TTC33: variants seen among roughly 807,000 people sequenced by gnomAD.
TTC33 encodes tetratricopeptide repeat domain 33.
TTC33 carries 24 observed loss-of-function variants against 29.4 expected under a neutral mutation model. That is an observed-to-expected ratio of 0.82 (90% CI 0.59 to 1.15). TTC33 has a LOEUF of 1.15. TTC33 is among the 50% of genes most tolerant of loss of function. The pLI is 0.00. For missense variants in TTC33, 286 were observed against 310.4 expected, an observed-to-expected ratio of 0.92 and a Z score of 0.59; for synonymous variants, 107 against 100.3, an observed-to-expected ratio of 1.07 and a Z score of -0.40.
intron 1 of TTC33, among the ~76,000 whole-genome samples, chr5:40,752,434 A>G (rs6868517): frequency 0.32 from 47,923 of 152,074 alleles, 7,964 homozygotes; most frequent in East Asian, 0.56. Context: ...AATCATTTCT[A>G]GCTTTTGATT....
rs552372682 is a variant in TTC33, at chr5:40,726,004, C to T, written c.435+2341G>A. Reference sequence around the variant, plus strand: ...GTTTCACCGTGTTAGCCAGGATGGTCTCAATCTCCTGACCTTGTGATCCGC... The same window carrying T: ...GTTTCACCGTGTTAGCCAGGATGGTTTCAATCTCCTGACCTTGTGATCCGC... On this transcript the variant is annotated intron_variant, in intron 4 of 4. Transcript: ENST00000337702. Among the ~76,000 whole-genome samples the T allele has an allele frequency of 4.9e-3, 745 of 151,810 alleles. 5 individuals are homozygous for T. The highest frequency in any genetic ancestry group is 0.017 in the African/African-American group (710 of 41,426).
chr5:40,750,020 A>T (rs1097546), intron 1 of TTC33, among the ~76,000 whole-genome samples: 1 of 151,236 alleles, frequency 6.6e-6, no homozygotes, highest in African/African-American at 2.4e-5. Flanking sequence ...CTCGGGAGGC[A>T]GAGGTTGCAG....
chr5:40,743,415 A>AT (rs965695181), intron 2 of TTC33, among the ~76,000 whole-genome samples: 7 of 152,142 alleles, frequency 4.6e-5, no homozygotes, highest in African/African-American at 9.6e-5. Flanking sequence ...GGGACTCAGT[A>AT]TTTTTTTTAA....
rs114206783 is a variant in TTC33 at position 40,733,223 on chromosome 5, T to C, written c.222-2880A>G. The stretch of plus-strand genomic sequence containing the variant: ...AGCAGAGGGACCTTAAGAACCTGGA[T>C]GTTTGAGGTTTCAGGAGTCTTTGAC... On this transcript the variant is annotated intron_variant, in intron 2 of 4. Transcript: ENST00000337702. 3.0e-3 allele frequency among the ~76,000 whole-genome samples: 451 copies of C among 152,256 alleles called. 3 individuals are homozygous for C. The highest frequency in any genetic ancestry group is 0.011 in the African/African-American group (437 of 41,556).
intron 2 of TTC33, among the ~76,000 whole-genome samples, chr5:40,741,265 G>A (rs1742687463): frequency 6.6e-6 from 1 of 152,162 alleles, no homozygotes; most frequent in Admixed American, 6.5e-5. Flanking sequence ...GGGAAGGTCT[G>A]AAGTAGCCTT....
In TTC33 at chr5:40,711,859, A is replaced by G. The variant is rs1741904602; in HGVS notation, c.*4286T>C. Among the ~76,000 whole-genome samples, 1 of 152,104 alleles carries G rather than the reference A, an allele frequency of 6.6e-6. No individual in the cohort carries two copies. ...TCAAACTCTAGAATTCTGAAGTCAA[A>G]TCTAACGTATAGCCACAGAAAGCAG... On this transcript the variant is annotated 3_prime_UTR_variant, in exon 5 of 5. Transcript: ENST00000337702.
intron 4 of TTC33, among the ~76,000 whole-genome samples, chr5:40,725,737 C>T (rs536497335): frequency 2.7e-4 from 41 of 151,960 alleles, no homozygotes; most frequent in African/African-American, 5.8e-4. Flanking sequence ...CTCACCATCC[C>T]CATTCCCTCA....
Position 40,713,629 on chromosome 5 carries a change from CT to C in TTC33, c.*2515del, listed in dbSNP as rs1741940595. On this transcript the variant is annotated 3_prime_UTR_variant, in exon 5 of 5. Transcript: ENST00000337702. ...GTTTTCTAGAGAATGATATATGATT[CT>C]TGTGTTATCAGGCATGGTCTGGATG... is the stretch of plus-strand genomic sequence containing the variant. Among the ~76,000 whole-genome samples the C allele has an allele frequency of 6.6e-6, 1 of 152,070 alleles. No individual in the cohort carries two copies.
At chr5:40,717,685 G>A (rs1469014116) in intron 4 of TTC33, among the ~76,000 whole-genome samples, 1 of 152,118 alleles carries the variant, frequency 6.6e-6, no homozygotes, top group Non-Finnish European at 1.5e-5. Flanking sequence ...GAGAATCATT[G>A]GTCTAAATCT....
chr5:40,746,537 C>T (rs957651567), intron 2 of TTC33, among the ~76,000 whole-genome samples: 2 of 152,076 alleles, frequency 1.3e-5, no homozygotes, highest in Non-Finnish European at 2.9e-5. Flanking sequence ...CTTCTTTAGG[C>T]ACAACAAAAA....
At chr5:40,741,776 G>A (rs984525060) in intron 2 of TTC33, among the ~76,000 whole-genome samples, 1 of 152,104 alleles carries the variant, frequency 6.6e-6, no homozygotes, top group Non-Finnish European at 1.5e-5. Context: ...ATTACCTGAC[G>A]TCAGGAGTTC....
chr5:40,711,989 G>T lies in TTC33; in HGVS notation c.*4156C>A, dbSNP rs1428785636. ...GGACACACACTATATCAGGATGGTA[G>T]TGGTGGTGAAGTGGGTGTTTACATT... is the stretch of plus-strand genomic sequence containing the variant. On this transcript the variant is annotated 3_prime_UTR_variant, in exon 5 of 5. Coordinates refer to ENST00000337702, the MANE Select transcript of TTC33 (RefSeq NM_012382.3). Among the ~76,000 whole-genome samples the T allele has an allele frequency of 2.0e-5, 3 of 152,144 alleles. No individual in the cohort carries two copies. The highest frequency in any genetic ancestry group is 1.3e-4 in the Admixed American group (2 of 15,254).
chr5:40,736,623 G>T lies in TTC33; in HGVS notation c.222-6280C>A, dbSNP rs148483445. Among the ~76,000 whole-genome samples, 659 of 152,066 alleles carry T rather than the reference G, an allele frequency of 4.3e-3. 2 individuals are homozygous for T. The highest frequency in any genetic ancestry group is 7.4e-3 in the Non-Finnish European group (504 of 67,978). ...TACAAAAATATATATTACTACTACA[G>T]GAAATATACCAAGAACATATAAAAT... is the stretch of plus-strand genomic sequence containing the variant. On this transcript the variant is annotated intron_variant, in intron 2 of 4. Transcript: ENST00000337702.
At chr5:40,744,834 C>G (rs1220943005) in intron 2 of TTC33, among the ~76,000 whole-genome samples, 2 of 152,162 alleles carry the variant, frequency 1.3e-5, no homozygotes, top group African/African-American at 2.4e-5. Context: ...ATACCAAACA[C>G]AGCAAAGAGA....
chr5:40,711,638 T>A lies in TTC33; in HGVS notation c.*4507A>T, dbSNP rs963898481. 3.9e-5 allele frequency among the ~76,000 whole-genome samples: 6 copies of A among 152,086 alleles called. No homozygotes were observed. Among genetic ancestry groups the A allele is most frequent in the African/African-American group, 7.2e-5 (3 of 41,422 alleles). On this transcript the variant is annotated 3_prime_UTR_variant, in exon 5 of 5. Transcript: ENST00000337702. Reference sequence around the variant, plus strand: ...ATCAAAACTTGAAACAACCTAAATGTCCATCAATAGGTGAACAGCTAAACA... The same window carrying A: ...ATCAAAACTTGAAACAACCTAAATGACCATCAATAGGTGAACAGCTAAACA...
intron 4 of TTC33, among the ~76,000 whole-genome samples, chr5:40,718,048 G>A (rs998665540): frequency 6.6e-6 from 1 of 150,660 alleles, no homozygotes; most frequent in African/African-American, 2.4e-5. Flanking sequence ...GGCAACAAGA[G>A]CGAAACTCCG....
In TTC33 at chr5:40,725,182, C is replaced by G. The variant is rs562135240; in HGVS notation, c.435+3163G>C. On this transcript the variant is annotated intron_variant, in intron 4 of 4. Transcript: ENST00000337702. ...TTTTTTTTTTTTGTAAATATAGGAT[C>G]TTGCCATGCTACCCAGGTTGGTCCA... Among the ~76,000 whole-genome samples, 38 of 142,856 alleles carry G rather than the reference C, an allele frequency of 2.7e-4. 1 individual carries two copies. In the South Asian group the frequency reaches 8.4e-3, roughly 32 times the overall value. 93.7% of individuals were successfully genotyped at this position (142,856 alleles called of 152,430 possible). A position where few individuals can be genotyped will look rare whatever the true frequency, so the allele number is the denominator to read the frequency against.
intron 3 of TTC33, 95 bp from the exon 4 acceptor site, chr5:40,728,571 G>GGTCTTTTTT: frequency 8.2e-7 from 1 of 1,221,352 alleles, no homozygotes; most frequent in Non-Finnish European, 1.1e-6. Flanking sequence ...TATATTTTTA[G>GGTCTTTTTT]TCCAGTAAAA....
chr5:40,754,947 A>G (rs1742958712), intron 1 of TTC33, among the ~76,000 whole-genome samples: 1 of 152,234 alleles, frequency 6.6e-6, no homozygotes, highest in African/African-American at 2.4e-5. Flanking sequence ...GAGTCTAGTT[A>G]GAAGCACGAG....
Sources: gnomAD v4.1 joint callset for allele counts (sites outside exome capture counted in the v4.1 genomes callset) on GRCh38, gnomAD v4.1.1 for gene constraint, MANE v1.5 for transcripts, NCBI Gene and HGNC (gene_info 2026-07-23, HGNC 2026-07-21) for gene names.